The following ENTREP2 variants were observed in gnomAD, a reference collection of about 807,000 sequenced individuals.
ENTREP2 encodes the protein protein ENTREP2.
the ENTREP2 span, among the ~76,000 whole-genome samples, chr15:29,171,496 C>T: frequency 6.6e-6 from 1 of 152,190 alleles, no homozygotes; most frequent in African/African-American, 2.4e-5. Context: ...GCAGTGTCTA[C>T]AGCTGCAGGA....
the ENTREP2 span, among the ~76,000 whole-genome samples, chr15:29,222,758 C>T: frequency 6.6e-6 from 1 of 152,154 alleles, no homozygotes; most frequent in African/African-American, 2.4e-5. Flanking sequence ...GCCACCAGCT[C>T]CCTCACGCTC....
At chr15:29,243,530 A>G in the ENTREP2 span, among the ~76,000 whole-genome samples, 1 of 152,152 alleles carries the variant, frequency 6.6e-6, no homozygotes, top group South Asian at 2.1e-4. Flanking sequence ...TAAAAGGGGG[A>G]AAATTAACAA....
At chr15:29,126,591 A>G in the ENTREP2 span, 2 of 1,008,096 alleles carry the variant, frequency 2.0e-6, no homozygotes, top group African/African-American at 1.6e-5. Context: ...GAACTCTGAA[A>G]CCCTGGGGGT....
chr15:29,322,928 A>T, the ENTREP2 span, among the ~76,000 whole-genome samples: 1 of 152,190 alleles, frequency 6.6e-6, no homozygotes, highest in South Asian at 2.1e-4. Context: ...ATTGCTTGAG[A>T]CCTGTCTCAG....
At chr15:29,624,867 TAATTTG>T in the ENTREP2 span, among the ~76,000 whole-genome samples, 9 of 137,560 alleles carry the variant, frequency 6.5e-5, no homozygotes, top group African/African-American at 2.4e-4. Flanking sequence ...TACCCTGCAT[TAATTTG>T]TGTGTGTGTG....
At chr15:29,166,396 C>T in the ENTREP2 span, among the ~76,000 whole-genome samples, 1 of 152,032 alleles carries the variant, frequency 6.6e-6, no homozygotes, top group Admixed American at 6.6e-5. Flanking sequence ...TGTTTGCTGA[C>T]GATATGATCA....
chr15:29,156,138 C>A, the ENTREP2 span, among the ~76,000 whole-genome samples: 1 of 151,846 alleles, frequency 6.6e-6, no homozygotes. Context: ...GGTCATACAA[C>A]CTGTTTTTTG....
chr15:29,668,978 T>C, the ENTREP2 span, among the ~76,000 whole-genome samples: 19 of 152,222 alleles, frequency 1.2e-4, no homozygotes, highest in African/African-American at 4.6e-4. Flanking sequence ...TCATCATTTA[T>C]TGCCCCTCCC....
chr15:29,150,463 A>G, the ENTREP2 span, among the ~76,000 whole-genome samples: 1 of 152,198 alleles, frequency 6.6e-6, no homozygotes, highest in East Asian at 1.9e-4. Flanking sequence ...TGGATGTGAT[A>G]TTTACAGATC....
chr15:29,290,049 C>T, the ENTREP2 span, among the ~76,000 whole-genome samples: 1 of 152,310 alleles, frequency 6.6e-6, no homozygotes, highest in African/African-American at 2.4e-5. Context: ...TCCTTCACTG[C>T]TTTTGTGGAT....
the ENTREP2 span, among the ~76,000 whole-genome samples, chr15:29,232,963 C>G: frequency 3.5e-4 from 54 of 152,288 alleles, no homozygotes; most frequent in African/African-American, 1.3e-3. Context: ...CCCTAAATAG[C>G]CTTTTTAGTT....
At chr15:29,410,547 C>A in the ENTREP2 span, among the ~76,000 whole-genome samples, 1 of 152,072 alleles carries the variant, frequency 6.6e-6, no homozygotes, top group East Asian at 1.9e-4. Flanking sequence ...CCCGCCGTAG[C>A]CAACTGGGTA....
At chr15:29,173,944 C>CAAAAAAAA in the ENTREP2 span, among the ~76,000 whole-genome samples, 23 of 78,680 alleles carry the variant, frequency 2.9e-4, no homozygotes, top group African/African-American at 8.1e-4. Flanking sequence ...TCTGGATAGC[C>CAAAAAAAA]AAAAAAAAAA....
chr15:29,304,779 C>T, the ENTREP2 span, among the ~76,000 whole-genome samples: 8 of 152,128 alleles, frequency 5.3e-5, no homozygotes, highest in Non-Finnish European at 1.2e-4. Flanking sequence ...GCTCACTTCC[C>T]TCTAGCCACA....
At chr15:29,143,436 T>A in the ENTREP2 span, among the ~76,000 whole-genome samples, 1 of 152,306 alleles carries the variant, frequency 6.6e-6, no homozygotes, top group East Asian at 1.9e-4. Context: ...GTTGCCAGGC[T>A]GCAGGGCTGC....
chr15:29,613,414 A>G, the ENTREP2 span: 1 of 459,154 alleles, frequency 2.2e-6, no homozygotes, highest in Non-Finnish European at 4.4e-6. Flanking sequence ...GACTGCCTTC[A>G]GGGCTTCCAG....
chr15:29,159,986 C>T, the ENTREP2 span, among the ~76,000 whole-genome samples: 15 of 152,360 alleles, frequency 9.8e-5, no homozygotes, highest in South Asian at 1.7e-3. Context: ...GGCGCTCGCC[C>T]GGGAGGCTCG....
chr15:29,283,137 G>C, the ENTREP2 span, among the ~76,000 whole-genome samples: 4 of 152,200 alleles, frequency 2.6e-5, no homozygotes, highest in African/African-American at 9.6e-5. Flanking sequence ...AGGCCAGAGT[G>C]GGGTCAGCTG....
chr15:29,471,988 T>G, the ENTREP2 span, among the ~76,000 whole-genome samples: 1 of 151,660 alleles, frequency 6.6e-6, no homozygotes, highest in Non-Finnish European at 1.5e-5. Context: ...AGGGCTGGGG[T>G]GGAGCAGAGG....
Sources: gnomAD v4.1 joint callset for allele counts (sites outside exome capture counted in the v4.1 genomes callset) on GRCh38, gnomAD v4.1.1 for gene constraint, MANE v1.5 for transcripts, NCBI Gene and HGNC (gene_info 2026-07-23, HGNC 2026-07-21) for gene names.